The following ATP10B variants were observed in gnomAD, a reference collection of about 807,000 sequenced individuals.
ATP10B encodes the protein phospholipid-transporting ATPase VB.
In ATP10B, 122 loss-of-function variants were observed where a neutral mutation model predicts 141.2. The ratio of observed to expected loss-of-function variants is 0.86; its 90% confidence interval spans 0.75 to 1.00. ATP10B has a LOEUF of 1.00. ATP10B is among the 50% of genes least tolerant of loss of function. The pLI, the probability that ATP10B is intolerant of heterozygous loss-of-function variation, is 0.00. For missense variants in ATP10B, 1,876 were observed against 1,825.3 expected, an observed-to-expected ratio of 1.03 and a Z score of -0.51; for synonymous variants, 685 against 692.0, an observed-to-expected ratio of 0.99 and a Z score of 0.16.
chr5:160,591,023 C>A lies in ATP10B; in HGVS notation c.3645+36G>T, dbSNP rs759974919. Reference sequence around the variant, plus strand: ...TATAAAAAGGACCAGTTCTTCTCTGCAATTTATGTGGTTAGAATGGGACTA... The same window carrying A: ...TATAAAAAGGACCAGTTCTTCTCTGAAATTTATGTGGTTAGAATGGGACTA... On this transcript the variant is annotated intron_variant, in intron 23 of 25. Transcript: ENST00000327245. 7 of 1,399,052 alleles carry A rather than the reference C, an allele frequency of 5.0e-6. No homozygotes were observed. In the Admixed American group the frequency reaches 5.9e-5, roughly 12 times the overall value. The allele number at this position is 1,399,052 out of a possible 1,614,324, so 86.7% of individuals were successfully genotyped here.
At chr5:160,801,970 T>C (rs1208567700) in intron 1 of ATP10B, among the ~76,000 whole-genome samples, 2 of 152,204 alleles carry the variant, frequency 1.3e-5, no homozygotes, top group Non-Finnish European at 2.9e-5. Context: ...ATTTATCGGA[T>C]GCAGGCAGCA....
the ATP10B span, among the ~76,000 whole-genome samples, chr5:160,862,308 G>T: frequency 6.6e-6 from 1 of 151,996 alleles, no homozygotes; most frequent in Non-Finnish European, 1.5e-5. Flanking sequence ...CAGAAGCAGA[G>T]CTAAGCCTTC....
At chr5:160,812,315 G>T (rs532519380) in intron 1 of ATP10B, among the ~76,000 whole-genome samples, 6 of 152,240 alleles carry the variant, frequency 3.9e-5, no homozygotes, top group Admixed American at 3.3e-4. Context: ...AGCCCAGATT[G>T]TGAAGCTATA....
chr5:160,849,940 T>TA (rs1191776259), intron 1 of ATP10B, among the ~76,000 whole-genome samples: 1 of 152,184 alleles, frequency 6.6e-6, no homozygotes, highest in Non-Finnish European at 1.5e-5. Context: ...TAGAACTCCC[T>TA]AGGTTCAAAG....
chr5:160,693,029 T>C (rs1196436304), intron 3 of ATP10B: 2 of 152,132 alleles, frequency 1.3e-5, no homozygotes, highest in Non-Finnish European at 2.9e-5. Flanking sequence ...ACCTCTCTGG[T>C]AGAAACACTA....
At chr5:160,852,788 ACAACT>A (rs1307638308), upstream of ATP10B, among the ~76,000 whole-genome samples, 1 of 152,162 alleles carries the variant, frequency 6.6e-6, no homozygotes, top group African/African-American at 2.4e-5. Context: ...TAAGTTACCT[ACAACT>A]CAACTAATTG....
At chr5:160,669,623 T>A (rs2127724143) in intron 7 of ATP10B, among the ~76,000 whole-genome samples, 1 of 149,188 alleles carries the variant, frequency 6.7e-6, no homozygotes, top group African/African-American at 2.5e-5. Flanking sequence ...TTTTTTTTTT[T>A]TTTTTTTGAG....
intron 1 of ATP10B, among the ~76,000 whole-genome samples, chr5:160,809,326 T>A (rs1440202603): frequency 6.6e-6 from 1 of 152,146 alleles, no homozygotes; most frequent in East Asian, 1.9e-4. Context: ...AAACTGATGG[T>A]TTTTGTTATC....
intron 3 of ATP10B, among the ~76,000 whole-genome samples, chr5:160,701,030 C>T (rs897842460): frequency 6.6e-6 from 1 of 152,176 alleles, no homozygotes; most frequent in African/African-American, 2.4e-5. Flanking sequence ...CTTCACTCTC[C>T]TCTGGACCCA....
intron 1 of ATP10B, among the ~76,000 whole-genome samples, chr5:160,837,086 A>AC (rs1775490509): frequency 6.6e-6 from 1 of 152,120 alleles, no homozygotes; most frequent in Non-Finnish European, 1.5e-5. Flanking sequence ...AAAGTCTTCC[A>AC]CCTCATCAGT....
At chr5:160,612,979 T>A (rs1757804122) in intron 17 of ATP10B, 54 bp from the exon 18 acceptor site, 1 of 1,529,676 alleles carries the variant, frequency 6.5e-7, no homozygotes. Flanking sequence ...AGTAGTTGCT[T>A]AATTCCCCCA....
intron 1 of ATP10B, among the ~76,000 whole-genome samples, chr5:160,815,707 A>G (rs866917660): frequency 2.0e-5 from 3 of 152,350 alleles, no homozygotes; most frequent in African/African-American, 4.8e-5. Context: ...TCAACAGAAT[A>G]TATTCTTTTC....
intron 6 of ATP10B, chr5:160,685,163 C>T (rs189064480): frequency 1.5e-6 from 1 of 678,164 alleles, no homozygotes; most frequent in Admixed American, 2.1e-5. Flanking sequence ...AAGTTAGAGA[C>T]CACTACTCGC....
At chr5:160,897,950 C>G in the ATP10B span, among the ~76,000 whole-genome samples, 1 of 152,172 alleles carries the variant, frequency 6.6e-6, no homozygotes, top group Admixed American at 6.5e-5. Context: ...AAACGATGCC[C>G]TATTTAATAA....
chr5:160,715,492 A>AC (rs1765570346), intron 3 of ATP10B, among the ~76,000 whole-genome samples: 1 of 142,144 alleles, frequency 7.0e-6, no homozygotes, highest in African/African-American at 2.6e-5. Flanking sequence ...GTGCGCACAC[A>AC]CACTGGCCTG....
chr5:160,785,777 G>T lies in ATP10B; in HGVS notation c.-549C>A. The T allele has an allele frequency of 1.1e-6, 1 of 903,454 alleles. No homozygotes were observed. The highest frequency in any genetic ancestry group is 1.5e-6 in the Non-Finnish European group (1 of 676,680). The allele number at this position is 903,454 out of a possible 1,614,324, so 56.0% of individuals were successfully genotyped here. ...TTCATTGAAACAAATGTCACCAGTC[G>T]GTTCTGATTCTCTTGTCAAAGGAAG... On this transcript the variant is annotated 5_prime_UTR_variant, in exon 2 of 26. Transcript: ENST00000327245.
intron 8 of ATP10B, among the ~76,000 whole-genome samples, chr5:160,644,969 T>C (rs1760169359): frequency 6.6e-6 from 1 of 151,600 alleles, no homozygotes; most frequent in Non-Finnish European, 1.5e-5. Flanking sequence ...TACAAAAAAT[T>C]AGTCAGGCAT....
chr5:160,812,099 G>A (rs553510472), intron 1 of ATP10B, among the ~76,000 whole-genome samples: 1 of 151,600 alleles, frequency 6.6e-6, no homozygotes, highest in South Asian at 2.1e-4. Flanking sequence ...GAGAAAGTAA[G>A]GGAAGACAAC....
chr5:160,896,211 G>A, the ATP10B span, among the ~76,000 whole-genome samples: 275 of 144,190 alleles, frequency 1.9e-3, no homozygotes, highest in African/African-American at 6.7e-3. Flanking sequence ...CAGAACTGAA[G>A]GAGATAGAAA....
Sources: allele counts gnomAD v4.1 joint callset (sites outside exome capture counted in the v4.1 genomes callset), GRCh38; gene constraint gnomAD v4.1.1; transcripts MANE v1.5; gene names NCBI Gene and HGNC (gene_info 2026-07-23, HGNC 2026-07-21).